The following TULP4 variants were observed in gnomAD, a reference collection of about 807,000 sequenced individuals.
TULP4 encodes tubby-related protein 4.
Under a neutral mutation model 129.0 loss-of-function variants are expected in TULP4, and 16 were observed. That is an observed-to-expected ratio of 0.12 (90% confidence interval 0.08 to 0.19). The LOEUF is 0.19. TULP4 is among the 10% of genes least tolerant of loss of function. The pLI, the probability that TULP4 is intolerant of heterozygous loss-of-function variation, is 1.00. For missense variants in TULP4, 1,842 were observed against 2,059.1 expected, an observed-to-expected ratio of 0.89 and a Z score of 2.04; for synonymous variants, 998 against 854.0, an observed-to-expected ratio of 1.17 and a Z score of -2.94.
chr6:158,244,413 C>A (rs974304675), intron 1 of TULP4, among the ~76,000 whole-genome samples: 2 of 152,104 alleles, frequency 1.3e-5, no homozygotes, highest in Non-Finnish European at 2.9e-5. Flanking sequence ...TTTGAGTCCC[C>A]CTACCCCCGT....
chr6:158,373,023 T>C (rs1358549570), intron 1 of TULP4, among the ~76,000 whole-genome samples: 3 of 152,216 alleles, frequency 2.0e-5, no homozygotes, highest in East Asian at 3.8e-4. Flanking sequence ...TCTCACCAAC[T>C]TAACACTGCT....
At chr6:158,258,100 A>G (rs1269255247) in intron 1 of TULP4, among the ~76,000 whole-genome samples, 1 of 152,182 alleles carries the variant, frequency 6.6e-6, no homozygotes, top group South Asian at 2.1e-4. Flanking sequence ...AGAACCCTCT[A>G]TTAGTCAGGG....
chr6:158,370,585 AGTGG>A (rs1777050144), intron 1 of TULP4, among the ~76,000 whole-genome samples: 2 of 149,794 alleles, frequency 1.3e-5, no homozygotes, highest in African/African-American at 5.1e-5. Flanking sequence ...AAGTCTTCAG[AGTGG>A]ACTTATTCAA....
At chr6:158,388,561 C>A (rs1777509938) in intron 1 of TULP4, among the ~76,000 whole-genome samples, 1 of 151,104 alleles carries the variant, frequency 6.6e-6, no homozygotes, top group Admixed American at 6.6e-5. Context: ...GATCTCCTGA[C>A]CTCGTGATCC....
rs187028139 is a variant in TULP4 at position 158,301,278 on chromosome 6, A to G, written n.117-10773A>G. Among the ~76,000 whole-genome samples the G allele has an allele frequency of 2.2e-4, 34 of 152,352 alleles. No individual in the cohort carries two copies. In the East Asian group the frequency reaches 6.2e-3, roughly 28 times the overall value. ...AGAAATAAGCTTGTCTGTAGGACCC[A>G]CATAACCAGCATTTCTGTTACTGGA... is the stretch of plus-strand genomic sequence containing the variant. On this transcript the variant is annotated intron_variant and non_coding_transcript_variant, in intron 1 of 1. Coordinates refer to the TULP4 transcript ENST00000432358.
At chr6:158,466,099 C>T (rs112628756) in intron 6 of TULP4, among the ~76,000 whole-genome samples, 2,628 of 152,164 alleles carry the variant, frequency 0.017, 84 homozygotes, top group African/African-American at 0.059. Flanking sequence ...TTTTGTCAGT[C>T]TTATGATCTC....
intron 8 of TULP4, among the ~76,000 whole-genome samples, chr6:158,482,294 A>G (rs1232086123): frequency 6.6e-6 from 1 of 152,026 alleles, no homozygotes; most frequent in East Asian, 1.9e-4. Context: ...CTCACTCTCA[A>G]CTTGTACTCA....
intron 8 of TULP4, among the ~76,000 whole-genome samples, chr6:158,488,802 G>A (rs1406440080): frequency 1.3e-5 from 2 of 151,936 alleles, no homozygotes; most frequent in African/African-American, 4.8e-5. Flanking sequence ...AGTGGAGGGG[G>A]GTGTGTGGGG....
intron 1 of TULP4, among the ~76,000 whole-genome samples, chr6:158,408,693 C>G (rs909421866): frequency 2.0e-5 from 3 of 152,178 alleles, no homozygotes; most frequent in Non-Finnish European, 4.4e-5. Flanking sequence ...CTCCAGAGCC[C>G]GCCTTCCTCA....
In TULP4 at chr6:158,502,705, G is replaced by A; in HGVS notation, c.3042G>A (p.Lys1014=). 1 of 1,560,682 alleles carries A rather than the reference G, an allele frequency of 6.4e-7. No individual in the cohort carries two copies. The highest frequency in any genetic ancestry group is 8.6e-7 in the Non-Finnish European group (1 of 1,158,416). Residue 1014 remains lysine, a synonymous_variant, in exon 13 of 14, where the codon AAG becomes AAA. Transcript: ENST00000367097. ...SPRAPLQPLA[K]SKGGPGGVVT... ...GGGCCCCCCTGCAGCCCCTGGCCAA[G>A]TCCAAGGGCGGGCCCGGGGGGGTGG...
At chr6:158,430,662 G>T (rs1181520269) in intron 3 of TULP4, among the ~76,000 whole-genome samples, 1 of 152,152 alleles carries the variant, frequency 6.6e-6, no homozygotes, top group African/African-American at 2.4e-5. Context: ...CAGGAGAATT[G>T]CTTGAACTGG....
At chr6:158,292,116 T>C (rs1778952994) in intron 1 of TULP4, among the ~76,000 whole-genome samples, 1 of 152,220 alleles carries the variant, frequency 6.6e-6, no homozygotes, top group South Asian at 2.1e-4. Flanking sequence ...CTAAGATTTG[T>C]ATTTGCTCTG....
At chr6:158,418,122 C>T (rs609621) in intron 2 of TULP4, among the ~76,000 whole-genome samples, 21 of 138,872 alleles carry the variant, frequency 1.5e-4, no homozygotes, top group Non-Finnish European at 3.1e-4. Context: ...TTTTTGGGAG[C>T]GGGGGAGACA....
At chr6:158,448,329 G>T (rs1241087483) in intron 3 of TULP4, among the ~76,000 whole-genome samples, 1 of 152,190 alleles carries the variant, frequency 6.6e-6, no homozygotes, top group Non-Finnish European at 1.5e-5. Context: ...CTAACTCATG[G>T]TTTTGACAAT....
intron 3 of TULP4, among the ~76,000 whole-genome samples, chr6:158,435,542 C>T (rs1329090552): frequency 2.0e-5 from 3 of 152,174 alleles, no homozygotes; most frequent in Non-Finnish European, 4.4e-5. Context: ...TTCCATCCAA[C>T]TCGGTCCCCC....
At chr6:158,259,650 A>G (rs9459828) in intron 1 of TULP4, among the ~76,000 whole-genome samples, 50,048 of 152,074 alleles carry the variant, frequency 0.33, 9,232 homozygotes, top group Admixed American at 0.45. Flanking sequence ...TCTGACACCA[A>G]CCACCTGAAC....
chr6:158,280,698 A>T (rs530220662), upstream of TULP4, among the ~76,000 whole-genome samples: 1 of 152,244 alleles, frequency 6.6e-6, no homozygotes, highest in South Asian at 2.1e-4. Flanking sequence ...TTTGTATTTG[A>T]GGACCCATGC....
At chr6:158,362,952 C>G (rs1361953859) in intron 1 of TULP4, among the ~76,000 whole-genome samples, 1 of 151,302 alleles carries the variant, frequency 6.6e-6, no homozygotes, top group Non-Finnish European at 1.5e-5. Context: ...ATCCCAGCTA[C>G]TCGGGAGGCT....
At chr6:158,424,361 C>T (rs1459556027) in intron 2 of TULP4, among the ~76,000 whole-genome samples, 6 of 152,010 alleles carry the variant, frequency 3.9e-5, no homozygotes, top group Admixed American at 6.6e-5. Flanking sequence ...GTGATTCTCC[C>T]GACTCAGCCT....
Sources: allele counts gnomAD v4.1 joint callset (sites outside exome capture counted in the v4.1 genomes callset), GRCh38; gene constraint gnomAD v4.1.1; transcripts MANE v1.5; gene names NCBI Gene and HGNC (gene_info 2026-07-23, HGNC 2026-07-21).